The following CSRNP3 variants were observed in gnomAD, a reference collection of about 807,000 sequenced individuals.
CSRNP3 encodes cysteine and serine rich nuclear protein 3.
Under a neutral mutation model 48.0 loss-of-function variants are expected in CSRNP3, and 12 were observed. The observed-to-expected ratio is 0.25, with a 90% confidence interval of 0.16 to 0.41. CSRNP3 has a LOEUF of 0.41. CSRNP3 is among the 10% of genes least tolerant of loss of function. The pLI is 1.00. For synonymous variants in CSRNP3, 263 were observed against 269.7 expected (o/e 0.98, Z 0.24); for missense variants, 580 against 724.4 (o/e 0.80, Z 2.29).
At chr2:165,540,852 C>T (rs1684947160) in intron 3 of CSRNP3, among the ~76,000 whole-genome samples, 1 of 151,972 alleles carries the variant, frequency 6.6e-6, no homozygotes, top group Admixed American at 6.6e-5. Flanking sequence ...GTTTGGTAGT[C>T]CTTCTCTATT....
intron 2 of CSRNP3, among the ~76,000 whole-genome samples, chr2:165,510,923 T>A (rs1358067230): frequency 6.6e-6 from 1 of 152,146 alleles, no homozygotes; most frequent in Non-Finnish European, 1.5e-5. Flanking sequence ...CAGAGAAGTC[T>A]CAGAACTGAA....
intron 2 of CSRNP3, among the ~76,000 whole-genome samples, chr2:165,501,101 C>T (rs1684353498): frequency 6.6e-6 from 1 of 152,028 alleles, no homozygotes; most frequent in African/African-American, 2.4e-5. Flanking sequence ...GAACTCTTTA[C>T]TTGCCAAAAG....
chr2:165,610,489 A>G (rs115457861), intron 4 of CSRNP3, among the ~76,000 whole-genome samples: 2,340 of 152,310 alleles, frequency 0.015, 63 homozygotes, highest in African/African-American at 0.05. Context: ...GGCATCATGC[A>G]TCTTTCTCTT....
Position 165,657,856 on chromosome 2 carries a change from A to G in CSRNP3, c.244A>G (p.Thr82Ala). Residue 82 changes from threonine (T) to alanine (A), a missense_variant, in exon 5 of 7, where the codon ACA becomes GCA. By Grantham distance (58) the Thr-to-Ala change is moderately conservative. Transcript: ENST00000651982. ...VYYFTRRQGFTSVPSQGGSTL... is the reference protein window; with the variant it reads ...VYYFTRRQGFASVPSQGGSTL... Reference sequence around the variant, plus strand: ...CTACTTCACCAGGAGGCAAGGCTTCACAAGTGTGCCCAGTCAAGGGGGAAG... The same window carrying G: ...CTACTTCACCAGGAGGCAAGGCTTCGCAAGTGTGCCCAGTCAAGGGGGAAG... The G allele has an allele frequency of 6.2e-7, 1 of 1,614,150 alleles. No homozygotes were observed. Among genetic ancestry groups the G allele is most frequent in the Non-Finnish European group, 8.5e-7 (1 of 1,180,024 alleles).
rs115142085 is a variant in CSRNP3, at chr2:165,669,640, A to G, written c.409-6672A>G. Among the ~76,000 whole-genome samples, 498 of 152,296 alleles carry G rather than the reference A, an allele frequency of 3.3e-3. 4 individuals are homozygous for G. Among genetic ancestry groups the G allele is most frequent in the African/African-American group, 0.012 (480 of 41,544 alleles). ...CTTTGGGAATGGTTTTCTCACAGTT[A>G]TCAGTGCATACGAATCTGCAAAATT... On this transcript the variant is annotated intron_variant, in intron 5 of 6. Coordinates refer to ENST00000651982, the MANE Select transcript of CSRNP3 (RefSeq NM_001172173.2).
chr2:165,571,524 ATT>A (rs1053239582), intron 3 of CSRNP3, among the ~76,000 whole-genome samples: 1 of 151,948 alleles, frequency 6.6e-6, no homozygotes, highest in Non-Finnish European at 1.5e-5. Context: ...TTAATGTAAT[ATT>A]TGTGTGGTGG....
chr2:165,609,102 G>C (rs189950169), intron 4 of CSRNP3, among the ~76,000 whole-genome samples: 3 of 146,818 alleles, frequency 2.0e-5, no homozygotes. Context: ...GCAAGACTCC[G>C]TCTCAAGAAA....
chr2:165,475,739 T>C (rs902537733), intron 1 of CSRNP3, among the ~76,000 whole-genome samples: 4 of 152,176 alleles, frequency 2.6e-5, no homozygotes, highest in African/African-American at 7.2e-5. Flanking sequence ...CTTCCTTCCA[T>C]GTTCTTCTCT....
chr2:165,508,892 C>G (rs1684463486), intron 2 of CSRNP3, among the ~76,000 whole-genome samples: 1 of 152,094 alleles, frequency 6.6e-6, no homozygotes, highest in African/African-American at 2.4e-5. Flanking sequence ...TTTTATGTTA[C>G]TATGAAAAAG....
intron 4 of CSRNP3, among the ~76,000 whole-genome samples, chr2:165,608,014 A>G (rs774401680): frequency 2.0e-5 from 3 of 151,014 alleles, no homozygotes; most frequent in Non-Finnish European, 2.9e-5. Context: ...ATAGTGTTAT[A>G]TTTGATGACA....
rs566179895 is a variant in CSRNP3, at chr2:165,558,749, C to T, written c.-23-36294C>T. On this transcript the variant is annotated intron_variant, in intron 3 of 6. Transcript: ENST00000651982. Reference sequence around the variant, plus strand: ...GCATGTGAAAGTGTCAATGATTTTACGTATTACTCAATTTATAGTGAATGG... The same window carrying T: ...GCATGTGAAAGTGTCAATGATTTTATGTATTACTCAATTTATAGTGAATGG... Among the ~76,000 whole-genome samples the T allele has an allele frequency of 8.5e-5, 13 of 152,212 alleles. No homozygotes were observed. The South Asian group carries it at 1.7e-3, about 19-fold the overall frequency.
chr2:165,554,270 T>C (rs1253730261), intron 3 of CSRNP3, among the ~76,000 whole-genome samples: 1 of 152,194 alleles, frequency 6.6e-6, no homozygotes, highest in East Asian at 1.9e-4. Context: ...TCACTAAACA[T>C]TGGAGTACAC....
chr2:165,657,227 T>A (rs1687019982), intron 4 of CSRNP3, among the ~76,000 whole-genome samples: 1 of 152,208 alleles, frequency 6.6e-6, no homozygotes, highest in South Asian at 2.1e-4. Context: ...GTTCAAGGAA[T>A]CCTTATTTTA....
chr2:165,505,042 T>C (rs1489895859), intron 2 of CSRNP3, among the ~76,000 whole-genome samples: 1 of 152,048 alleles, frequency 6.6e-6, no homozygotes, highest in Non-Finnish European at 1.5e-5. Flanking sequence ...AAAAATTAAC[T>C]CTCATTTTCA....
At chr2:165,625,463 TAA>T (rs751804276) in intron 4 of CSRNP3, among the ~76,000 whole-genome samples, 16 of 116,274 alleles carry the variant, frequency 1.4e-4, no homozygotes, top group South Asian at 5.7e-4. Context: ...CTGTCTCTAA[TAA>T]AAAAAAAAAA....
chr2:165,686,304 G>A lies in CSRNP3; in HGVS notation c.*6551G>A, dbSNP rs1687629890. On this transcript the variant is annotated 3_prime_UTR_variant, in exon 7 of 7. Transcript: ENST00000651982. Reference sequence around the variant, plus strand: ...GTCAGGGACATGGCTTCCTAATAATGGTTTTGCTGTTGTCTCTACATAGGG... The same window carrying A: ...GTCAGGGACATGGCTTCCTAATAATAGTTTTGCTGTTGTCTCTACATAGGG... 6.6e-6 allele frequency: 1 copy of A among 151,944 alleles called. No homozygotes were observed. The highest frequency in any genetic ancestry group is 2.4e-5 in the African/African-American group (1 of 41,388). The allele number at this position is 151,944 out of a possible 1,614,324, so 9.4% of individuals were successfully genotyped here.
intron 1 of CSRNP3, among the ~76,000 whole-genome samples, chr2:165,485,142 T>C (rs1299464588): frequency 2.6e-5 from 4 of 152,198 alleles, no homozygotes; most frequent in African/African-American, 9.7e-5. Flanking sequence ...ATATTGTGTC[T>C]ATCGGAAACT....
Position 165,688,752 on chromosome 2 carries a change from G to T in CSRNP3, c.*8999G>T, listed in dbSNP as rs1301355289. The T allele has an allele frequency of 1.3e-5, 2 of 151,926 alleles. No individual in the cohort carries two copies. The highest frequency in any genetic ancestry group is 2.9e-5 in the Non-Finnish European group (2 of 67,998). 9.4% of individuals were successfully genotyped at this position (151,926 alleles called of 1,614,324 possible). A position where few individuals can be genotyped will look rare whatever the true frequency, so the allele number is the denominator to read the frequency against. ...TGGGAATGGTCCTTACACAAGGGAA[G>T]TCTTTTGAGAATATTTGTTCTCTTA... On this transcript the variant is annotated 3_prime_UTR_variant, in exon 7 of 7. Coordinates refer to ENST00000651982, the MANE Select transcript of CSRNP3 (RefSeq NM_001172173.2).
At chr2:165,472,183 A>G (rs1315366002) in intron 1 of CSRNP3, among the ~76,000 whole-genome samples, 1 of 152,048 alleles carries the variant, frequency 6.6e-6, no homozygotes, top group Non-Finnish European at 1.5e-5. Flanking sequence ...GAAGCTTGGT[A>G]TATGTCCAGG....
Sources: gnomAD v4.1 joint callset for allele counts (sites outside exome capture counted in the v4.1 genomes callset) on GRCh38, gnomAD v4.1.1 for gene constraint, MANE v1.5 for transcripts, NCBI Gene and HGNC (gene_info 2026-07-23, HGNC 2026-07-21) for gene names.